Variants in LMBR1 observed in about 807,000 individuals in gnomAD.
LMBR1 encodes the protein limb development membrane protein 1.
In LMBR1, 52 loss-of-function variants were observed where a neutral mutation model predicts 73.9. That is an observed-to-expected ratio of 0.70 (90% confidence interval 0.56 to 0.89). The LOEUF (loss-of-function observed/expected upper bound fraction) is 0.89, where lower values mean the gene tolerates loss of function less well. Among genes scored for constraint, LMBR1 ranks in the 40% least tolerant of loss-of-function variants. The pLI, the probability that LMBR1 is intolerant of heterozygous loss-of-function variation, is 0.00. For missense variants in LMBR1, 539 were observed against 579.8 expected (o/e 0.93, Z 0.72); for synonymous variants, 215 against 209.4 (o/e 1.03, Z -0.23).
intron 15 of LMBR1, among the ~76,000 whole-genome samples, chr7:156,700,859 A>C (rs913419623): frequency 6.6e-6 from 1 of 152,204 alleles, no homozygotes; most frequent in Non-Finnish European, 1.5e-5. Context: ...CTGCTGCTAA[A>C]GACACACCCA....
At chr7:156,767,887 AATT>A (rs1204030522) in intron 5 of LMBR1, among the ~76,000 whole-genome samples, 7 of 152,182 alleles carry the variant, frequency 4.6e-5, no homozygotes, top group Non-Finnish European at 1.0e-4. Flanking sequence ...AATGATTAAA[AATT>A]ATTGTTTAAT....
chr7:156,695,523 G>A (rs555106735), intron 15 of LMBR1, among the ~76,000 whole-genome samples: 3 of 152,202 alleles, frequency 2.0e-5, no homozygotes, highest in South Asian at 2.1e-4. Context: ...TTACATGGCC[G>A]GTGCAGGAGC....
chr7:156,725,363 A>G (rs2132386256), intron 14 of LMBR1, 72 bp downstream of exon 14: 1 of 856,374 alleles, frequency 1.2e-6, no homozygotes, highest in East Asian at 2.5e-5. Flanking sequence ...ACCATTCAGA[A>G]TGACTATTAA....
rs550714888 is a variant in LMBR1, at chr7:156,834,664, T to C, written c.140-872A>G. 8.4e-4 allele frequency: 147 copies of C among 174,246 alleles called. No individual in the cohort carries two copies. The South Asian group carries it at 9.2e-3, about 11-fold the overall frequency. 10.8% of individuals were successfully genotyped at this position (174,246 alleles called of 1,614,324 possible). A position where few individuals can be genotyped will look rare whatever the true frequency, so the allele number is the denominator to read the frequency against. On this transcript the variant is annotated intron_variant, in intron 2 of 16. Coordinates refer to ENST00000353442, the MANE Select transcript of LMBR1 (RefSeq NM_022458.4). The stretch of plus-strand genomic sequence containing the variant: ...ATTATATATAATATATAATAAAATA[T>C]ATACAATTATAAATATATTAAATAT...
chr7:156,889,490 C>T (rs1266724899), intron 1 of LMBR1, among the ~76,000 whole-genome samples: 1 of 152,110 alleles, frequency 6.6e-6, no homozygotes, highest in Non-Finnish European at 1.5e-5. Flanking sequence ...TACATTCACT[C>T]TAAATATAAA....
intron 15 of LMBR1, among the ~76,000 whole-genome samples, chr7:156,702,386 C>T (rs1809963663): frequency 6.6e-6 from 1 of 152,174 alleles, no homozygotes; most frequent in Non-Finnish European, 1.5e-5. Context: ...TGATGTTGAG[C>T]TTTTTTTCAT....
intron 15 of LMBR1, among the ~76,000 whole-genome samples, chr7:156,719,022 G>A (rs1191621920): frequency 3.9e-5 from 6 of 151,966 alleles, no homozygotes; most frequent in African/African-American, 1.2e-4. Flanking sequence ...TAGGGTACAT[G>A]TGTACAATGT....
chr7:156,750,657 T>G (rs1287008624), intron 9 of LMBR1, among the ~76,000 whole-genome samples: 2 of 152,240 alleles, frequency 1.3e-5, no homozygotes, highest in Non-Finnish European at 2.9e-5. Flanking sequence ...CTCTCCATCA[T>G]GTGCGTTTTT....
Position 156,759,353 on chromosome 7 carries a change from C to T in LMBR1, c.684+2781G>A, listed in dbSNP as rs547437910. On this transcript the variant is annotated intron_variant, in intron 8 of 16. Coordinates refer to ENST00000353442, the MANE Select transcript of LMBR1 (RefSeq NM_022458.4). ...ACAAATCGGTTTTACAGCTCTGGAG[C>T]TTACAGCAAAATAGAATGGCAGACC... Among the ~76,000 whole-genome samples the T allele has an allele frequency of 5.9e-5, 9 of 152,302 alleles. No homozygotes were observed. In the South Asian group the frequency reaches 1.9e-3, roughly 32 times the overall value.
intron 1 of LMBR1, among the ~76,000 whole-genome samples, chr7:156,892,253 A>C (rs144153066): frequency 6.6e-6 from 1 of 152,346 alleles, no homozygotes; most frequent in Non-Finnish European, 1.5e-5. Flanking sequence ...TTCTCATCCC[A>C]AACGGTAAGG....
intron 9 of LMBR1, among the ~76,000 whole-genome samples, chr7:156,745,890 T>C (rs1431705016): frequency 1.3e-5 from 2 of 152,334 alleles, no homozygotes; most frequent in African/African-American, 2.4e-5. Context: ...TTTATCACTT[T>C]ACTTGTTAAT....
At chr7:156,676,991 TCC>T, downstream of LMBR1, 1 of 224,594 alleles carries the variant, frequency 4.5e-6, no homozygotes, top group Non-Finnish European at 8.9e-6. Flanking sequence ...TGTAAAACAC[TCC>T]TTAAGTTCCA....
At chr7:156,841,179 T>C (rs1321713319) in intron 1 of LMBR1, among the ~76,000 whole-genome samples, 1 of 151,982 alleles carries the variant, frequency 6.6e-6, no homozygotes, top group Non-Finnish European at 1.5e-5. Context: ...CCTGAGAAAC[T>C]GGAAAGACAG....
chr7:156,740,310 A>G lies in LMBR1; in HGVS notation c.758-6053T>C, dbSNP rs546919138. Among the ~76,000 whole-genome samples the G allele has an allele frequency of 6.6e-5, 10 of 152,308 alleles. No individual in the cohort carries two copies. The East Asian group carries it at 1.2e-3, about 18-fold the overall frequency. ...TATTGGCAGCAAAGAGGAGGCAGAG[A>G]AAGAGAGAGAGGTAGGAAGTTTATT... On this transcript the variant is annotated intron_variant, in intron 9 of 16. Coordinates refer to ENST00000353442, the MANE Select transcript of LMBR1 (RefSeq NM_022458.4).
intron 5 of LMBR1, among the ~76,000 whole-genome samples, chr7:156,777,919 C>T (rs1826444706): frequency 6.6e-6 from 1 of 152,176 alleles, no homozygotes; most frequent in Non-Finnish European, 1.5e-5. Flanking sequence ...CCTACCCCCA[C>T]CATACACCCT....
intron 9 of LMBR1, among the ~76,000 whole-genome samples, chr7:156,741,169 T>C (rs535774190): frequency 6.6e-6 from 1 of 151,724 alleles, no homozygotes; most frequent in Non-Finnish European, 1.5e-5. Context: ...ACTCAAAAAA[T>C]AAAAAGCAAG....
At chr7:156,729,044 A>C (rs1411949858) in intron 10 of LMBR1, among the ~76,000 whole-genome samples, 2 of 151,948 alleles carry the variant, frequency 1.3e-5, no homozygotes, top group Non-Finnish European at 2.9e-5. Context: ...GGTTCTTGCT[A>C]TGTTGCCCAG....
At chr7:156,736,139 G>C (rs1049097374) in intron 9 of LMBR1, among the ~76,000 whole-genome samples, 1 of 152,208 alleles carries the variant, frequency 6.6e-6, no homozygotes, top group African/African-American at 2.4e-5. Context: ...GCATAGCTTA[G>C]AGTCACATGT....
chr7:156,777,707 T>C (rs553475909), intron 5 of LMBR1, among the ~76,000 whole-genome samples: 1 of 152,352 alleles, frequency 6.6e-6, no homozygotes, highest in Non-Finnish European at 1.5e-5. Context: ...AAGAACCATA[T>C]ACACCAACTG....
Sources: allele counts gnomAD v4.1 joint callset (sites outside exome capture counted in the v4.1 genomes callset), GRCh38; gene constraint gnomAD v4.1.1; transcripts MANE v1.5; gene names NCBI Gene and HGNC (gene_info 2026-07-23, HGNC 2026-07-21).